CRIM1: variants seen among roughly 807,000 people sequenced by gnomAD.
CRIM1 encodes cysteine rich transmembrane BMP regulator 1.
A neutral mutation model predicts 116.4 loss-of-function variants in CRIM1; 32 were observed. The observed-to-expected ratio is 0.27, with a 90% CI of 0.21 to 0.37. CRIM1 has a LOEUF of 0.37. CRIM1 is among the 10% of genes least tolerant of loss of function. CRIM1 has a pLI of 1.00. For synonymous variants in CRIM1, 590 were observed against 509.2 expected, an observed-to-expected ratio of 1.16 and a Z score of -2.13; for missense variants, 1,331 against 1,354.8, an observed-to-expected ratio of 0.98 and a Z score of 0.28.
At chr2:36,473,675 GTCAT>G (rs1440456403) in intron 5 of CRIM1, among the ~76,000 whole-genome samples, 1 of 152,074 alleles carries the variant, frequency 6.6e-6, no homozygotes, top group African/African-American at 2.4e-5. Flanking sequence ...ATTTTCAAGT[GTCAT>G]TCATGTTATA....
chr2:36,458,552 T>C (rs1353856466), intron 4 of CRIM1, among the ~76,000 whole-genome samples: 1 of 152,070 alleles, frequency 6.6e-6, no homozygotes, highest in Non-Finnish European at 1.5e-5. Flanking sequence ...TAGAGTTCTT[T>C]AGTAGGGAAA....
At chr2:36,397,724 A>G (rs1006957443) in intron 2 of CRIM1, among the ~76,000 whole-genome samples, 13 of 152,204 alleles carry the variant, frequency 8.5e-5, no homozygotes, top group African/African-American at 3.1e-4. Flanking sequence ...TCCAAGTTAT[A>G]TTAAATGGTA....
rs540097681 is a variant in CRIM1, at chr2:36,550,436, G to GAC, written c.*1739_*1740dup. 6.6e-6 allele frequency: 1 copy of GAC among 152,426 alleles called. No individual in the cohort carries two copies. Among genetic ancestry groups the GAC allele is most frequent in the African/African-American group, 2.4e-5 (1 of 41,374 alleles). 9.4% of individuals were successfully genotyped at this position (152,426 alleles called of 1,614,324 possible). On this transcript the variant is annotated 3_prime_UTR_variant, in exon 17 of 17. Transcript: ENST00000280527. ...TCTTTTAAAAATGCTTGTTGTGAAA[G>GAC]ACACAGATACCCAGTATGCTTAACG...
intron 5 of CRIM1, among the ~76,000 whole-genome samples, chr2:36,475,592 C>G (rs957775161): frequency 1.3e-5 from 2 of 152,122 alleles, no homozygotes; most frequent in Non-Finnish European, 2.9e-5. Flanking sequence ...CCTAATTGCT[C>G]TGGCTAGAAT....
intron 2 of CRIM1, among the ~76,000 whole-genome samples, chr2:36,400,299 G>A (rs1303878193): frequency 6.6e-6 from 1 of 152,148 alleles, no homozygotes; most frequent in African/African-American, 2.4e-5. Flanking sequence ...GTTGTAATGA[G>A]GGTTAGAAAT....
intron 1 of CRIM1, among the ~76,000 whole-genome samples, chr2:36,369,897 T>G (rs984662529): frequency 2.0e-5 from 3 of 152,206 alleles, no homozygotes; most frequent in Admixed American, 6.5e-5. Flanking sequence ...CACGTGCATG[T>G]GTATTTTTTC....
rs115104142 is a variant in CRIM1, at chr2:36,531,647, G to T, written c.2429-5705G>T. 8.7e-3 allele frequency among the ~76,000 whole-genome samples: 1,323 copies of T among 152,266 alleles called. 18 individuals carry two copies. Among genetic ancestry groups the T allele is most frequent in the African/African-American group, 0.031 (1,271 of 41,544 alleles). On this transcript the variant is annotated intron_variant, in intron 13 of 16. Transcript: ENST00000280527. Reference sequence around the variant, plus strand: ...AAGTCTTCTTTTCTTATCTTGAAAAGAGGTAAGATAATGAAGTTTAAACAG... The same window carrying T: ...AAGTCTTCTTTTCTTATCTTGAAAATAGGTAAGATAATGAAGTTTAAACAG...
chr2:36,537,055 T>G (rs1666601080), intron 13 of CRIM1, among the ~76,000 whole-genome samples: 1 of 152,152 alleles, frequency 6.6e-6, no homozygotes, highest in African/African-American at 2.4e-5. Context: ...CAGCTGGACT[T>G]TTTATCAATC....
intron 4 of CRIM1, among the ~76,000 whole-genome samples, chr2:36,444,287 A>T (rs1676081043): frequency 6.6e-6 from 1 of 152,204 alleles, no homozygotes; most frequent in African/African-American, 2.4e-5. Context: ...AGCTACAGGA[A>T]GGTATATTTA....
intron 7 of CRIM1, among the ~76,000 whole-genome samples, chr2:36,486,158 A>G (rs1679801771): frequency 2.0e-5 from 3 of 152,248 alleles, no homozygotes; most frequent in African/African-American, 7.2e-5. Flanking sequence ...TCCAGCCTTA[A>G]TATATCACTT....
intron 15 of CRIM1, among the ~76,000 whole-genome samples, chr2:36,546,060 A>C (rs1024081678): frequency 6.6e-5 from 10 of 152,292 alleles, no homozygotes; most frequent in African/African-American, 2.4e-4. Context: ...TTTAAACCAC[A>C]GTGTTACATA....
chr2:36,541,885 G>A (rs12620308), intron 14 of CRIM1, among the ~76,000 whole-genome samples: 56,488 of 151,710 alleles, frequency 0.37, 10,752 homozygotes, highest in East Asian at 0.59. Context: ...GCCATAGAAG[G>A]CGGCCTGGGT....
chr2:36,426,148 C>T (rs769014618), intron 2 of CRIM1, among the ~76,000 whole-genome samples: 86 of 152,160 alleles, frequency 5.7e-4, no homozygotes, highest in Non-Finnish European at 1.1e-3. Flanking sequence ...ATTAAAAAGC[C>T]GGCATGCTGT....
intron 1 of CRIM1, among the ~76,000 whole-genome samples, chr2:36,389,749 G>T (rs567748740): frequency 1.3e-5 from 2 of 152,060 alleles, no homozygotes; most frequent in Non-Finnish European, 2.9e-5. Flanking sequence ...TGTCCAGTAC[G>T]TGCACTCATA....
chr2:36,547,058 G>A lies in CRIM1; in HGVS notation c.2821G>A (p.Ala941Thr), dbSNP rs1012062312. ...PSEDSSLDSI[A>T]SVVVPIIICL... Reference sequence around the variant, plus strand: ...TGAAGATTCTTCACTGGACTCCATTGCCTCAGTTGTGGTTCCCATAATTAT... The same window carrying A: ...TGAAGATTCTTCACTGGACTCCATTACCTCAGTTGTGGTTCCCATAATTAT... The change falls in exon 16 of 17, where the codon GCC (alanine) becomes ACC (threonine). Residue 941 changes from alanine to threonine, a missense_variant. Physicochemically the swap from Ala to Thr is moderately conservative, Grantham distance 58. Coordinates refer to ENST00000280527, the MANE Select transcript of CRIM1 (RefSeq NM_016441.3). 16 of 1,611,998 alleles carry A rather than the reference G, an allele frequency of 9.9e-6. No individual in the cohort carries two copies. The highest frequency in any genetic ancestry group is 1.3e-5 in the Non-Finnish European group (15 of 1,178,408).
rs1160563569 is a variant in CRIM1 at position 36,547,131 on chromosome 2, A to G, written c.2894A>G (p.Gln965Arg). 1 of 1,613,430 alleles carries G rather than the reference A, an allele frequency of 6.2e-7. No homozygotes were observed. The highest frequency in any genetic ancestry group is 2.2e-5 in the East Asian group (1 of 44,850). Residue 965 changes from glutamine (Q) to arginine (R), a missense_variant, in exon 16 of 17, where the codon CAG (glutamine) becomes CGG (arginine). Gln to Arg is a conservative substitution (Grantham distance 43). Around this residue, in one of 3 missense-constraint regions of CRIM1, gnomAD observed 283 missense variants for 242.8 expected, o/e 1.17. Transcript: ENST00000280527. ...TTCCTATTCATCAATCAGAAGAAACAGTGGATACCACTGCTTTGCTGGTAT... is the reference window on the plus strand; with the variant it reads ...TTCCTATTCATCAATCAGAAGAAACGGTGGATACCACTGCTTTGCTGGTAT... ...IAFLFINQKK[Q>R]WIPLLCWYRT...
intron 1 of CRIM1, among the ~76,000 whole-genome samples, chr2:36,362,190 C>G (rs559201774): frequency 6.6e-6 from 1 of 150,778 alleles, no homozygotes; most frequent in Non-Finnish European, 1.5e-5. Context: ...TAAATTCAAG[C>G]CAAGTAGAAG....
intron 7 of CRIM1, among the ~76,000 whole-genome samples, chr2:36,482,099 C>A (rs147971171): frequency 7.9e-5 from 12 of 152,316 alleles, no homozygotes; most frequent in South Asian, 2.1e-4. Flanking sequence ...AGCTCAGCAT[C>A]CTTGTCATTT....
At chr2:36,369,277 T>C (rs1450357219) in intron 1 of CRIM1, 1 of 152,242 alleles carries the variant, frequency 6.6e-6, no homozygotes, top group African/African-American at 2.4e-5. Context: ...CTTGCCCACA[T>C]CTGTGTGCTG....
Sources: allele counts gnomAD v4.1 joint callset (sites outside exome capture counted in the v4.1 genomes callset), GRCh38; gene constraint gnomAD v4.1.1; regional missense constraint gnomAD v4.1.1; transcripts MANE v1.5; gene names NCBI Gene and HGNC (gene_info 2026-07-23, HGNC 2026-07-21).